Variants in CACNA1I observed in about 807,000 individuals in gnomAD.
CACNA1I encodes voltage-dependent T-type calcium channel subunit alpha-1I.
In CACNA1I, 74 loss-of-function variants were observed where a neutral mutation model predicts 201.6. The ratio of observed to expected loss-of-function variants is 0.37; its 90% CI spans 0.30 to 0.45. CACNA1I has a LOEUF of 0.45. Among genes scored for constraint, CACNA1I ranks in the 20% least tolerant of loss-of-function variants. CACNA1I has a pLI of 1.00. For synonymous variants in CACNA1I, 1,431 were observed against 1,345.2 expected (o/e 1.06, Z -1.40); for missense variants, 2,346 against 3,138.1 (o/e 0.75, Z 6.03).
intron 4 of CACNA1I, among the ~76,000 whole-genome samples, chr22:39,628,290 A>G (rs1353248648): frequency 6.6e-6 from 1 of 152,190 alleles, no homozygotes; most frequent in African/African-American, 2.4e-5. Flanking sequence ...CCCTTCCCCA[A>G]AGGCTGACAG....
chr22:39,644,926 G>C (rs932574611), intron 7 of CACNA1I, among the ~76,000 whole-genome samples: 2 of 152,024 alleles, frequency 1.3e-5, no homozygotes, highest in Middle Eastern at 3.4e-3. Context: ...GGACTCAAGT[G>C]ATCCTCCTGC....
chr22:39,575,051 G>A (rs1334749296), intron 1 of CACNA1I, among the ~76,000 whole-genome samples: 1 of 152,266 alleles, frequency 6.6e-6, no homozygotes, highest in South Asian at 2.1e-4. Context: ...GGGTGGGAAA[G>A]GGCCACTCGC....
chr22:39,584,417 G>T (rs570636218), intron 1 of CACNA1I, among the ~76,000 whole-genome samples: 1 of 152,304 alleles, frequency 6.6e-6, no homozygotes, highest in East Asian at 1.9e-4. Flanking sequence ...GAGGTTCCCA[G>T]AGACTTCCCA....
chr22:39,685,855 G>GC lies in CACNA1I; in HGVS notation c.6127dup (p.Arg2043ProfsTer235). The stretch of plus-strand genomic sequence containing the variant: ...GAGGACAGCCTGACCCTGAGCGACA[G>GC]CCCCCGGCGTGCCCTGGGGCCGCCC... On this transcript the variant is annotated frameshift_variant, in exon 37 of 37. Coordinates refer to ENST00000402142, the MANE Select transcript of CACNA1I (RefSeq NM_021096.4). LOFTEE classifies it low-confidence loss of function (END_TRUNC). This position sits in a 1 kb window ranked among gnomAD's most constrained non-coding sequence, Gnocchi z 5.0. 6.8e-7 allele frequency: 1 copy of GC among 1,477,996 alleles called. No homozygotes were observed. The allele number at this position is 1,477,996 out of a possible 1,614,324, so 91.6% of individuals were successfully genotyped here.
intron 1 of CACNA1I, among the ~76,000 whole-genome samples, chr22:39,589,026 G>A (rs1319381024): frequency 1.3e-5 from 2 of 152,180 alleles, no homozygotes; most frequent in Admixed American, 1.3e-4. Context: ...ATGATTCTTT[G>A]TTGTGGGGCT....
intron 1 of CACNA1I, among the ~76,000 whole-genome samples, chr22:39,582,133 C>A (rs773372945): frequency 6.6e-6 from 1 of 152,122 alleles, no homozygotes; most frequent in African/African-American, 2.4e-5. Context: ...GGGGGAGGCT[C>A]CCAGCCCCAC....
chr22:39,668,003 T>C (rs747086594), intron 23 of CACNA1I, among the ~76,000 whole-genome samples: 4 of 152,154 alleles, frequency 2.6e-5, no homozygotes, highest in Non-Finnish European at 4.4e-5. Context: ...TCATGAATTT[T>C]TTTTTGCCCA....
intron 4 of CACNA1I, among the ~76,000 whole-genome samples, chr22:39,633,511 G>C: frequency 6.6e-6 from 1 of 152,218 alleles, no homozygotes; most frequent in Non-Finnish European, 1.5e-5. Flanking sequence ...TAAGAGTCTG[G>C]AAGCCTTCAC....
chr22:39,619,362 A>C lies in CACNA1I; in HGVS notation c.535A>C (p.Thr179Pro). Reference protein sequence around the residue: ...LQNINLSAIRTVRVLRPLKAI... With the variant: ...LQNINLSAIRPVRVLRPLKAI... ...GAACATCAACCTGTCAGCCATCCGCACCGTGCGCGTCCTGAGGCCCCTCAA... is the reference window on the plus strand; with the variant it reads ...GAACATCAACCTGTCAGCCATCCGCCCCGTGCGCGTCCTGAGGCCCCTCAA... The change falls in exon 4 of 37, where the codon ACC becomes CCC. Residue 179 changes from threonine to proline, a missense_variant. Thr to Pro is a conservative substitution (Grantham distance 38, BLOSUM62 -1). This residue lies in a region of CACNA1I where 227 missense variants were observed against 412.5 expected (regional missense o/e 0.55). Transcript: ENST00000402142. 1 of 1,609,820 alleles carries C rather than the reference A, an allele frequency of 6.2e-7. No individual in the cohort carries two copies.
rs1436299736 is a variant in CACNA1I at position 39,688,504 on chromosome 22, C to T, written c.*2099C>T. The T allele has an allele frequency of 6.6e-6, 1 of 152,152 alleles. No individual in the cohort carries two copies. Among genetic ancestry groups the T allele is most frequent in the Non-Finnish European group, 1.5e-5 (1 of 68,020 alleles). The allele number at this position is 152,152 out of a possible 1,614,324, so 9.4% of individuals were successfully genotyped here. On this transcript the variant is annotated 3_prime_UTR_variant, in exon 37 of 37. Coordinates refer to ENST00000402142, the MANE Select transcript of CACNA1I (RefSeq NM_021096.4). The surrounding 1 kb of genome is among the most constrained non-coding windows in gnomAD (Gnocchi z 4.8). ...GGAAGCAGACAGACTTGACTTTTTGCAAGTCCGCGTGTTGCTGGAGGGACA... is the reference window on the plus strand; with the variant it reads ...GGAAGCAGACAGACTTGACTTTTTGTAAGTCCGCGTGTTGCTGGAGGGACA...
At chr22:39,612,173 A>G (rs1219431758) in intron 3 of CACNA1I, among the ~76,000 whole-genome samples, 1 of 152,010 alleles carries the variant, frequency 6.6e-6, no homozygotes, top group Non-Finnish European at 1.5e-5. Context: ...TCCTGATGAG[A>G]GGGATGAGTT....
intron 10 of CACNA1I, among the ~76,000 whole-genome samples, chr22:39,655,451 C>A (rs1271397895): frequency 2.0e-5 from 3 of 152,176 alleles, no homozygotes; most frequent in Non-Finnish European, 4.4e-5. Flanking sequence ...ACTGGGTGGT[C>A]TTTGCCACCT....
At chr22:39,575,083 T>C (rs1031795026) in intron 1 of CACNA1I, among the ~76,000 whole-genome samples, 2 of 152,254 alleles carry the variant, frequency 1.3e-5, no homozygotes, top group Admixed American at 1.3e-4. Flanking sequence ...CACCGCTCCC[T>C]GCCTGGCCTG....
At chr22:39,592,957 C>T (rs1034838879) in intron 1 of CACNA1I, among the ~76,000 whole-genome samples, 1 of 152,198 alleles carries the variant, frequency 6.6e-6, no homozygotes, top group Non-Finnish European at 1.5e-5. Flanking sequence ...TCAGGAACCG[C>T]GGGCAGTGAT....
Position 39,685,686 on chromosome 22 carries a change from CG to C in CACNA1I, c.6028-70del. The C allele has an allele frequency of 3.3e-6, 4 of 1,229,322 alleles. No homozygotes were observed. Among genetic ancestry groups the C allele is most frequent in the Non-Finnish European group, 3.2e-6 (3 of 946,050 alleles). 76.2% of individuals were successfully genotyped at this position (1,229,322 alleles called of 1,614,324 possible). A position where few individuals can be genotyped will look rare whatever the true frequency, so the allele number is the denominator to read the frequency against. ...TGGGGTCTGCCTGCTGCCTGCTGTG[CG>C]GGGGAGGGCGGCGTCCAGGTTGCTG... On this transcript the variant is annotated intron_variant, in intron 36 of 36. Transcript: ENST00000402142. The surrounding 1 kb of genome is among the most constrained non-coding windows in gnomAD (Gnocchi z 5.0).
intron 17 of CACNA1I, 112 bp from the exon 18 acceptor site, chr22:39,662,664 G>A: frequency 1.2e-6 from 1 of 801,528 alleles, no homozygotes; most frequent in South Asian, 1.6e-5. Context: ...CCCCCGGGGG[G>A]CAGAGAGTTC....
In CACNA1I at chr22:39,635,344, G is replaced by C. The variant is rs924237652; in HGVS notation, c.740+620G>C. Reference sequence around the variant, plus strand: ...GGGGCTCAGGATGCGGCAGAAGGGGGGGGGTCCCTGCCCCCTGCCCTTGAG... The same window carrying C: ...GGGGCTCAGGATGCGGCAGAAGGGGCGGGGTCCCTGCCCCCTGCCCTTGAG... On this transcript the variant is annotated intron_variant, in intron 5 of 36. Coordinates refer to ENST00000402142, the MANE Select transcript of CACNA1I (RefSeq NM_021096.4). Among the ~76,000 whole-genome samples the C allele has an allele frequency of 2.6e-5, 4 of 152,266 alleles. No homozygotes were observed. In the East Asian group the frequency reaches 7.7e-4, roughly 29 times the overall value.
At chr22:39,594,025 G>T (rs1932851961) in intron 1 of CACNA1I, among the ~76,000 whole-genome samples, 1 of 152,164 alleles carries the variant, frequency 6.6e-6, no homozygotes, top group Non-Finnish European at 1.5e-5. Context: ...ACTGAAGATG[G>T]GCTGAGAGGC....
intron 10 of CACNA1I, among the ~76,000 whole-genome samples, chr22:39,652,858 T>C (rs956993606): frequency 1.3e-5 from 2 of 152,214 alleles, no homozygotes; most frequent in Non-Finnish European, 1.5e-5. Context: ...TGATTGGTGA[T>C]TGTGCCACTG....
Sources: allele counts gnomAD v4.1 joint callset (sites outside exome capture counted in the v4.1 genomes callset), GRCh38; gene constraint gnomAD v4.1.1; regional missense constraint gnomAD v4.1.1; non-coding constraint Gnocchi (gnomAD v3.1); transcripts MANE v1.5; gene names NCBI Gene and HGNC (gene_info 2026-07-23, HGNC 2026-07-21).